The following PAX8 variants were observed in gnomAD, a reference collection of about 807,000 sequenced individuals.
PAX8 encodes the protein paired box protein Pax-8.
Under a neutral mutation model 52.4 loss-of-function variants are expected in PAX8, and 15 were observed. That is an observed-to-expected ratio of 0.29 (90% CI 0.19 to 0.44). PAX8 has a LOEUF of 0.44. PAX8 is among the 20% of genes least tolerant of loss of function. PAX8 has a pLI of 1.00. For missense variants in PAX8, 554 were observed against 602.5 expected (o/e 0.92, Z 0.84); for synonymous variants, 284 against 249.7 (o/e 1.14, Z -1.29).
intron 10 of PAX8, among the ~76,000 whole-genome samples, chr2:113,222,816 C>T (rs1284700393): frequency 6.6e-6 from 1 of 152,108 alleles, no homozygotes; most frequent in African/African-American, 2.4e-5. Context: ...TCCCCACAGT[C>T]TCTAACTCCA....
intron 2 of PAX8, among the ~76,000 whole-genome samples, chr2:113,259,856 T>C (rs1692537551): frequency 6.6e-6 from 1 of 152,076 alleles, no homozygotes; most frequent in South Asian, 2.1e-4. Flanking sequence ...ACCAGGGCTG[T>C]GGAAGGGCCC....
At chr2:113,265,018 T>C (rs1692956405) in intron 2 of PAX8, among the ~76,000 whole-genome samples, 1 of 152,250 alleles carries the variant, frequency 6.6e-6, no homozygotes, top group African/African-American at 2.4e-5. Flanking sequence ...GAAAATGGCT[T>C]GTTAATGATT....
chr2:113,239,773 A>G (rs923879105), intron 7 of PAX8: 16 of 152,158 alleles, frequency 1.1e-4, no homozygotes, highest in Non-Finnish European at 1.5e-4. Flanking sequence ...TAGAAGCACC[A>G]TATCTGAAAC....
At chr2:113,220,014 T>C in intron 11 of PAX8, 78 bp downstream of exon 11, 1 of 1,005,028 alleles carries the variant, frequency 9.9e-7, no homozygotes, top group Non-Finnish European at 1.5e-6. Flanking sequence ...AGCTTTCAGG[T>C]AACCTTTGAC....
intron 2 of PAX8, among the ~76,000 whole-genome samples, chr2:113,263,040 C>G (rs1166942823): frequency 6.6e-6 from 1 of 152,216 alleles, no homozygotes; most frequent in African/African-American, 2.4e-5. Context: ...GGAGGCTGCT[C>G]TCCTAGGGTA....
intron 3 of PAX8, among the ~76,000 whole-genome samples, chr2:113,246,352 T>C (rs538785441): frequency 3.3e-5 from 5 of 152,188 alleles, no homozygotes; most frequent in African/African-American, 1.2e-4. Flanking sequence ...ATATCACTCT[T>C]TTAGGGGTTA....
intron 3 of PAX8, 130 bp from the exon 4 acceptor site, chr2:113,244,754 G>A: frequency 2.3e-6 from 2 of 858,164 alleles, no homozygotes; most frequent in African/African-American, 1.7e-5. Flanking sequence ...TGCCTCCAAG[G>A]CTGGTCTCAA....
At chr2:113,260,878 T>C (rs1692618446) in intron 2 of PAX8, among the ~76,000 whole-genome samples, 1 of 148,116 alleles carries the variant, frequency 6.8e-6, no homozygotes, top group Admixed American at 6.7e-5. Context: ...AGTGACTGTT[T>C]TGTGTGTGTG....
intron 2 of PAX8, chr2:113,259,538 G>A (rs1372090479): frequency 1.3e-5 from 2 of 152,670 alleles, no homozygotes; most frequent in African/African-American, 4.8e-5. Flanking sequence ...CCTCCTCCCA[G>A]CTGCACACTG....
At chr2:113,272,857 G>A (rs945814300) in intron 2 of PAX8, 1 of 152,194 alleles carries the variant, frequency 6.6e-6, no homozygotes, top group East Asian at 1.9e-4. Context: ...CTTAGAGGGT[G>A]TTTTCAATAC....
intron 2 of PAX8, among the ~76,000 whole-genome samples, chr2:113,262,642 A>G (rs1260237617): frequency 6.6e-6 from 1 of 152,204 alleles, no homozygotes; most frequent in East Asian, 1.9e-4. Flanking sequence ...GATCTAGTTA[A>G]GGTGAGGTCA....
rs1407424522 is a variant in PAX8, at chr2:113,216,225, G to A, written c.*2308C>T. 29 of 230,388 alleles carry A rather than the reference G, an allele frequency of 1.3e-4. No homozygotes were observed. The highest frequency in any genetic ancestry group is 1.8e-4 in the East Asian group (3 of 16,260). 14.3% of individuals were successfully genotyped at this position (230,388 alleles called of 1,614,324 possible). ...GATGTCATGGATTCGGAGTCGCGCTGCAGAGGGAAGTTCTGCCATTGAAAA... is the reference window on the plus strand; with the variant it reads ...GATGTCATGGATTCGGAGTCGCGCTACAGAGGGAAGTTCTGCCATTGAAAA... On this transcript the variant is annotated 3_prime_UTR_variant, in exon 12 of 12. Transcript: ENST00000429538.
chr2:113,265,927 G>A (rs1180951260), intron 2 of PAX8: 2 of 152,248 alleles, frequency 1.3e-5, no homozygotes, highest in Non-Finnish European at 2.9e-5. Flanking sequence ...GCCAGTGGTT[G>A]GGGTGAGAAA....
chr2:113,255,994 TA>T (rs33968693), intron 2 of PAX8, among the ~76,000 whole-genome samples: 356 of 135,204 alleles, frequency 2.6e-3, no homozygotes, highest in Middle Eastern at 7.7e-3. Context: ...GCTCAATCAG[TA>T]AAAAAAAAAA....
intron 9 of PAX8, among the ~76,000 whole-genome samples, chr2:113,227,851 A>G (rs1008952102): frequency 6.6e-6 from 1 of 152,224 alleles, no homozygotes; most frequent in Admixed American, 6.5e-5. Context: ...GATGCAATCT[A>G]TCAGAGTTGC....
chr2:113,271,875 G>A (rs189523174), intron 2 of PAX8: 38 of 151,852 alleles, frequency 2.5e-4, no homozygotes, highest in African/African-American at 8.2e-4. Flanking sequence ...TAAATGAGAT[G>A]ATGAATACAT....
chr2:113,241,213 A>G lies in PAX8; in HGVS notation c.777+338T>C, dbSNP rs1690809675. ...AATAGTGGCTGAGGTCATTATGTGA[A>G]GGCTTTGTGCTACTGCTTCAGAGTT... On this transcript the variant is annotated intron_variant, in intron 7 of 11. Transcript: ENST00000429538. 9.0e-6 allele frequency: 4 copies of G among 442,820 alleles called. No individual in the cohort carries two copies. The Admixed American group carries it at 1.4e-4, about 15-fold the overall frequency. The allele number at this position is 442,820 out of a possible 1,614,324, so 27.4% of individuals were successfully genotyped here. A position where few individuals can be genotyped will look rare whatever the true frequency, so the allele number is the denominator to read the frequency against.
Position 113,242,589 on chromosome 2 carries a change from T to G in PAX8, c.478+101A>C, listed in dbSNP as rs978612773. On this transcript the variant is annotated intron_variant, in intron 5 of 11. Transcript: ENST00000429538. ...GTGAATGGTACTGTGCACAGCTATG[T>G]CTGTGTGGGTGTGTCTGTGTGTGCC... 1.4e-5 allele frequency: 12 copies of G among 840,270 alleles called. No individual in the cohort carries two copies. In the African/African-American group the frequency reaches 2.0e-4, roughly 14 times the overall value. 52.1% of individuals were successfully genotyped at this position (840,270 alleles called of 1,614,324 possible).
intron 10 of PAX8, chr2:113,226,453 C>T (rs1287991236): frequency 2.2e-5 from 22 of 988,024 alleles, no homozygotes; most frequent in Admixed American, 5.9e-5. Context: ...TTGTCCAGAC[C>T]TTGTCATCTT....
Sources: allele counts gnomAD v4.1 joint callset (sites outside exome capture counted in the v4.1 genomes callset), GRCh38; gene constraint gnomAD v4.1.1; transcripts MANE v1.5; gene names NCBI Gene and HGNC (gene_info 2026-07-23, HGNC 2026-07-21).